The following ARID1B variants were observed in gnomAD, a reference collection of about 807,000 sequenced individuals.
ARID1B encodes AT-rich interactive domain-containing protein 1B.
ARID1B carries 30 observed loss-of-function variants against 212.3 expected under a neutral mutation model. The observed-to-expected ratio is 0.14, with a 90% confidence interval of 0.11 to 0.19. The LOEUF is 0.19. ARID1B is among the 10% of genes least tolerant of loss of function. ARID1B has a pLI of 1.00. For missense variants in ARID1B, 2,891 were observed against 3,204.0 expected (o/e 0.90, Z 2.36); for synonymous variants, 1,402 against 1,301.7 (o/e 1.08, Z -1.66).
chr6:156,795,306 A>G lies in ARID1B; in HGVS notation c.1791+15835A>G, dbSNP rs143228022. ...CTGGGGTTTACGAGTCCAGAAATCC[A>G]TGAGTCCGAGGAAGTGGGAAGAGAG... On this transcript the variant is annotated intron_variant, in intron 1 of 19. Transcript: ENST00000636930. Among the ~76,000 whole-genome samples, 698 of 152,276 alleles carry G rather than the reference A, an allele frequency of 4.6e-3. 7 individuals are homozygous for G. The highest frequency in any genetic ancestry group is 0.015 in the African/African-American group (629 of 41,544).
At chr6:157,172,246 C>G (rs1791762466) in intron 9 of ARID1B, among the ~76,000 whole-genome samples, 1 of 152,114 alleles carries the variant, frequency 6.6e-6, no homozygotes, top group African/African-American at 2.4e-5. Context: ...CAGTCCAGTC[C>G]ACTGCTTTGA....
At chr6:156,781,050 A>G (rs1779226324) in intron 1 of ARID1B, among the ~76,000 whole-genome samples, 1 of 152,184 alleles carries the variant, frequency 6.6e-6, no homozygotes, top group Admixed American at 6.5e-5. Context: ...TTCACCTGAT[A>G]AACAAGATTT....
chr6:156,777,984 G>T lies in ARID1B; in HGVS notation c.304G>T (p.Gly102Cys), dbSNP rs1465331796. 1 of 1,530,950 alleles carries T rather than the reference G, an allele frequency of 6.5e-7. No individual in the cohort carries two copies. Among genetic ancestry groups the T allele is most frequent in the African/African-American group, 1.4e-5 (1 of 72,572 alleles). The allele number at this position is 1,530,950 out of a possible 1,614,324, so 94.8% of individuals were successfully genotyped here. ...CGCCGGCACCCACAGCGCCAAGAGC[G>T]GCGGCTCCGAGGCGGCTCTCAAGGA... Reference protein sequence around the residue: ...AAAGTHSAKSGGSEAALKEGG... With the variant: ...AAAGTHSAKSCGSEAALKEGG... The change falls in exon 1 of 20, where the codon GGC (glycine) becomes TGC (cysteine). Residue 102 changes from glycine to cysteine, a missense_variant. Physicochemically the swap from Gly to Cys is radical, Grantham distance 159. Coordinates refer to ENST00000636930, the MANE Select transcript of ARID1B (RefSeq NM_001374828.1).
At chr6:156,788,178 G>T (rs1317550829) in intron 1 of ARID1B, among the ~76,000 whole-genome samples, 3 of 152,054 alleles carry the variant, frequency 2.0e-5, no homozygotes, top group African/African-American at 7.2e-5. Context: ...TAAACAAATA[G>T]TGCCTAATCA....
chr6:157,153,740 A>G (rs889270810), intron 8 of ARID1B, among the ~76,000 whole-genome samples: 1 of 152,168 alleles, frequency 6.6e-6, no homozygotes, highest in Non-Finnish European at 1.5e-5. Flanking sequence ...GGCTCAAGCA[A>G]TTCTCCCACC....
chr6:156,962,554 C>G (rs1009748043), intron 4 of ARID1B, among the ~76,000 whole-genome samples: 3 of 152,282 alleles, frequency 2.0e-5, no homozygotes, highest in Middle Eastern at 6.8e-3. Flanking sequence ...AATCACAGCA[C>G]AATCACAGCT....
chr6:157,040,915 T>G (rs911752726), intron 4 of ARID1B, among the ~76,000 whole-genome samples: 1 of 152,250 alleles, frequency 6.6e-6, no homozygotes, highest in Non-Finnish European at 1.5e-5. Context: ...GGTTTTAGTT[T>G]TTTCCTCTGA....
chr6:157,149,410 T>G (rs1436080762), intron 8 of ARID1B: 1 of 171,018 alleles, frequency 5.8e-6, no homozygotes, highest in Non-Finnish European at 1.3e-5. Flanking sequence ...TATGTATACA[T>G]ACGTGTATTG....
chr6:157,109,445 G>C (rs1421870277), intron 5 of ARID1B, among the ~76,000 whole-genome samples: 1 of 152,114 alleles, frequency 6.6e-6, no homozygotes, highest in East Asian at 1.9e-4. Context: ...GTGTATTTGT[G>C]TTTCCAATTT....
chr6:156,805,190 T>G (rs1247953486), intron 1 of ARID1B, among the ~76,000 whole-genome samples: 2 of 152,134 alleles, frequency 1.3e-5, no homozygotes, highest in African/African-American at 4.8e-5. Flanking sequence ...GGGCCCTAGT[T>G]TTTCAGGGAT....
chr6:156,826,603 C>T (rs1269348090), intron 1 of ARID1B, among the ~76,000 whole-genome samples: 1 of 151,958 alleles, frequency 6.6e-6, no homozygotes, highest in Non-Finnish European at 1.5e-5. Context: ...GTGGGAGTGC[C>T]AGTGGAAGAG....
At chr6:157,032,714 T>C (rs1195380414) in intron 4 of ARID1B, among the ~76,000 whole-genome samples, 4 of 152,216 alleles carry the variant, frequency 2.6e-5, no homozygotes, top group African/African-American at 9.6e-5. Context: ...CTAATTACTT[T>C]TAATTGAACA....
chr6:157,035,266 A>G (rs192238437), intron 4 of ARID1B, among the ~76,000 whole-genome samples: 68 of 152,350 alleles, frequency 4.5e-4, no homozygotes, highest in African/African-American at 1.5e-3. Context: ...AAATAATTCT[A>G]TTTGTGTTAA....
At chr6:156,818,775 G>C (rs1168315431) in intron 1 of ARID1B, among the ~76,000 whole-genome samples, 1 of 152,152 alleles carries the variant, frequency 6.6e-6, no homozygotes, top group East Asian at 1.9e-4. Context: ...CAACTCTGCA[G>C]GACAAAAGAT....
intron 4 of ARID1B, among the ~76,000 whole-genome samples, chr6:156,995,179 CAG>C (rs1394379347): frequency 6.6e-6 from 1 of 152,204 alleles, no homozygotes; most frequent in Non-Finnish European, 1.5e-5. Context: ...TACCTGAAGA[CAG>C]ACGGTAGGAA....
At chr6:157,181,847 G>A (rs751334455) in intron 12 of ARID1B, among the ~76,000 whole-genome samples, 1 of 152,184 alleles carries the variant, frequency 6.6e-6, no homozygotes, top group Non-Finnish European at 1.5e-5. Context: ...GTAGGACCAC[G>A]CCCTGTCATA....
At chr6:157,122,793 C>T (rs1192842582) in intron 6 of ARID1B, among the ~76,000 whole-genome samples, 1 of 152,178 alleles carries the variant, frequency 6.6e-6, no homozygotes, top group Non-Finnish European at 1.5e-5. Context: ...ATTATCCTGC[C>T]TCAGCCTCCC....
At chr6:156,781,554 G>A (rs956287441) in intron 1 of ARID1B, among the ~76,000 whole-genome samples, 1 of 152,116 alleles carries the variant, frequency 6.6e-6, no homozygotes, top group Non-Finnish European at 1.5e-5. Context: ...TTGTCAGAGT[G>A]AAGGAAGGGC....
At chr6:156,939,662 T>G (rs1792519344) in intron 4 of ARID1B, 1 of 152,172 alleles carries the variant, frequency 6.6e-6, no homozygotes, top group Non-Finnish European at 1.5e-5. Flanking sequence ...GCTGAGTGAT[T>G]AAATGGGTGG....
Sources: allele counts gnomAD v4.1 joint callset (sites outside exome capture counted in the v4.1 genomes callset), GRCh38; gene constraint gnomAD v4.1.1; transcripts MANE v1.5; gene names NCBI Gene and HGNC (gene_info 2026-07-23, HGNC 2026-07-21).